The following PPP1R14C variants were observed in gnomAD, a reference collection of about 807,000 sequenced individuals.
PPP1R14C encodes the protein protein phosphatase 1 regulatory subunit 14C.
In PPP1R14C, 16 loss-of-function variants were observed where a neutral mutation model predicts 20.4. That is an observed-to-expected ratio of 0.78 (90% CI 0.53 to 1.19). PPP1R14C has a LOEUF of 1.19. PPP1R14C is among the 50% of genes most tolerant of loss of function. The pLI is 0.00. For missense variants in PPP1R14C, 211 were observed against 220.1 expected, an observed-to-expected ratio of 0.96 and a Z score of 0.26; for synonymous variants, 91 against 91.0, an observed-to-expected ratio of 1.00 and a Z score of 0.00.
At chr6:150,220,636 C>T (rs1582925298) in intron 3 of PPP1R14C, among the ~76,000 whole-genome samples, 1 of 152,198 alleles carries the variant, frequency 6.6e-6, no homozygotes, top group East Asian at 1.9e-4. Flanking sequence ...TTCTTCAGTT[C>T]TCCACCTAAG....
intron 1 of PPP1R14C, chr6:150,194,878 A>T (rs1777784847): frequency 1.0e-6 from 1 of 985,234 alleles, no homozygotes. Flanking sequence ...ACAATTATTG[A>T]CACTGATTTA....
chr6:150,210,017 T>TTTTG (rs983481124), intron 1 of PPP1R14C, among the ~76,000 whole-genome samples: 28 of 151,120 alleles, frequency 1.9e-4, no homozygotes, highest in African/African-American at 6.3e-4. Context: ...GTGTATATAT[T>TTTTG]TGTGTGTGTG....
At chr6:150,224,466 T>G (rs1033780359) in intron 3 of PPP1R14C, among the ~76,000 whole-genome samples, 3 of 152,240 alleles carry the variant, frequency 2.0e-5, no homozygotes, top group African/African-American at 7.2e-5. Context: ...ATATTGTATC[T>G]TCCTATCTAT....
At chr6:150,198,994 C>T (rs929520887) in intron 1 of PPP1R14C, among the ~76,000 whole-genome samples, 1 of 144,108 alleles carries the variant, frequency 6.9e-6, no homozygotes, top group African/African-American at 2.4e-5. Context: ...AAGTGGTAGG[C>T]TTCTTCTTTT....
chr6:150,236,613 C>CTGTGTGTGTGTG (rs142109127), intron 3 of PPP1R14C, among the ~76,000 whole-genome samples: 1,867 of 144,532 alleles, frequency 0.013, 48 homozygotes, highest in African/African-American at 0.042. Context: ...GTTGGTGCCA[C>CTGTGTGTGTGTG]TGTGTGTGTG....
intron 1 of PPP1R14C, among the ~76,000 whole-genome samples, chr6:150,187,067 C>T (rs973691320): frequency 1.3e-5 from 2 of 151,998 alleles, no homozygotes; most frequent in Non-Finnish European, 2.9e-5. Context: ...CCTTCGCCTC[C>T]TGGGTTCAAG....
intron 3 of PPP1R14C, among the ~76,000 whole-genome samples, chr6:150,241,281 C>A (rs1315613431): frequency 6.6e-6 from 1 of 152,220 alleles, no homozygotes; most frequent in Admixed American, 6.5e-5. Flanking sequence ...CCAGAGAGGG[C>A]ACGAGAGCTC....
intron 1 of PPP1R14C, among the ~76,000 whole-genome samples, chr6:150,204,991 A>G (rs1381671543): frequency 8.4e-6 from 1 of 119,244 alleles, no homozygotes; most frequent in East Asian, 2.8e-4. Context: ...GCTCCAACTC[A>G]GAGTCTTTTT....
At chr6:150,206,595 T>G (rs1777953747) in intron 1 of PPP1R14C, among the ~76,000 whole-genome samples, 1 of 152,204 alleles carries the variant, frequency 6.6e-6, no homozygotes, top group Non-Finnish European at 1.5e-5. Context: ...GAATGTGTCT[T>G]CATGAGCAGG....
At chr6:150,182,810 G>T (rs946002714) in intron 1 of PPP1R14C, among the ~76,000 whole-genome samples, 58 of 152,284 alleles carry the variant, frequency 3.8e-4, no homozygotes, top group African/African-American at 1.3e-3. Context: ...CTTTGTTGAT[G>T]TGTGAACATC....
At chr6:150,233,605 G>T (rs563948828) in intron 3 of PPP1R14C, among the ~76,000 whole-genome samples, 2 of 152,314 alleles carry the variant, frequency 1.3e-5, no homozygotes, top group African/African-American at 4.8e-5. Flanking sequence ...AGGAACAAAT[G>T]TGTGCAAAGT....
At chr6:150,194,707 C>T (rs1777782385) in intron 1 of PPP1R14C, 1 of 985,394 alleles carries the variant, frequency 1.0e-6, no homozygotes, top group African/African-American at 1.7e-5. Flanking sequence ...AAATGATTTG[C>T]TTGTTCAGCT....
intron 3 of PPP1R14C, among the ~76,000 whole-genome samples, chr6:150,232,179 C>CG (rs1778303798): frequency 6.6e-6 from 1 of 151,022 alleles, no homozygotes; most frequent in African/African-American, 2.5e-5. Context: ...AAGGTTGAGA[C>CG]ATTTTTTTTT....
At chr6:150,208,589 C>A (rs938429492) in intron 1 of PPP1R14C, among the ~76,000 whole-genome samples, 2 of 152,108 alleles carry the variant, frequency 1.3e-5, no homozygotes, top group African/African-American at 2.4e-5. Flanking sequence ...ACATAAAGTA[C>A]CAGCTAATGA....
intron 1 of PPP1R14C, among the ~76,000 whole-genome samples, chr6:150,204,108 G>A (rs1408210166): frequency 6.6e-6 from 1 of 152,262 alleles, no homozygotes; most frequent in Non-Finnish European, 1.5e-5. Context: ...CACAGGAGCC[G>A]TGAGGGTGGC....
rs1777670141 is a variant in PPP1R14C at position 150,185,803 on chromosome 6, A to G, written c.307-28941A>G. 6.6e-6 allele frequency among the ~76,000 whole-genome samples: 1 copy of G among 152,150 alleles called. No homozygotes were observed. Among genetic ancestry groups the G allele is most frequent in the Admixed American group, 6.5e-5 (1 of 15,272 alleles). ...CTGTGTAGCTTATATTGGCTGATGT[A>G]GGGGTTCTACCCTCACCATCACTCA... On this transcript the variant is annotated intron_variant, in intron 1 of 3. Transcript: ENST00000361131. This position sits in a 1 kb window ranked among gnomAD's most constrained non-coding sequence, Gnocchi z 4.1.
Position 150,248,844 on chromosome 6 carries a change from C to T in PPP1R14C, c.*24C>T, listed in dbSNP as rs771689206. On this transcript the variant is annotated 3_prime_UTR_variant, in exon 4 of 4. Transcript: ENST00000361131. Reference sequence around the variant, plus strand: ...GATTCTGGAACAGGGTGAAACTCTCCCAGAGACGAAGAAAGAGTCCTGGGA... The same window carrying T: ...GATTCTGGAACAGGGTGAAACTCTCTCAGAGACGAAGAAAGAGTCCTGGGA... 7.1e-6 allele frequency: 11 copies of T among 1,540,164 alleles called. No individual in the cohort carries two copies. In the South Asian group the frequency reaches 1.3e-4, roughly 18 times the overall value.
chr6:150,172,918 G>C (rs1246091948), intron 1 of PPP1R14C, among the ~76,000 whole-genome samples: 1 of 152,140 alleles, frequency 6.6e-6, no homozygotes, highest in Non-Finnish European at 1.5e-5. Context: ...CATCAGCCAT[G>C]CTGCCTTATA....
In PPP1R14C at chr6:150,176,038, A is replaced by G. The variant is rs374632336; in HGVS notation, c.306+32540A>G. On this transcript the variant is annotated intron_variant, in intron 1 of 3. Transcript: ENST00000361131. ...GAATTCCACTGGGGATACTTAGAAC[A>G]GTGAGCTGATGTGATCTTGTGTTAT... is the stretch of plus-strand genomic sequence containing the variant. Among the ~76,000 whole-genome samples the G allele has an allele frequency of 3.3e-5, 5 of 152,352 alleles. No homozygotes were observed. The East Asian group carries it at 7.7e-4, about 23-fold the overall frequency.
Sources: gnomAD v4.1 joint callset for allele counts (sites outside exome capture counted in the v4.1 genomes callset) on GRCh38, gnomAD v4.1.1 for gene constraint, Gnocchi (gnomAD v3.1) non-coding constraint, MANE v1.5 for transcripts, NCBI Gene and HGNC (gene_info 2026-07-23, HGNC 2026-07-21) for gene names.